Variants in GRIA4 observed in about 807,000 individuals in gnomAD.
The protein encoded by GRIA4 is glutamate receptor 4.
A neutral mutation model predicts 104.0 loss-of-function variants in GRIA4; 34 were observed. The observed-to-expected ratio is 0.33, with a 90% CI of 0.25 to 0.44. The LOEUF is 0.44. Ranked by LOEUF, GRIA4 falls within the 20% of genes least tolerant of loss-of-function variation. GRIA4 has a pLI of 1.00. For missense variants in GRIA4, 750 were observed against 1,096.5 expected (o/e 0.68, Z 4.46); for synonymous variants, 386 against 381.9 (o/e 1.01, Z -0.13).
chr11:105,611,767 C>T (rs905378310), intron 2 of GRIA4, among the ~76,000 whole-genome samples: 3 of 152,172 alleles, frequency 2.0e-5, no homozygotes, highest in Admixed American at 6.5e-5. Context: ...TCCAGCTAAG[C>T]CCAGCCTCAA....
intron 3 of GRIA4, among the ~76,000 whole-genome samples, chr11:105,666,936 G>C (rs1055756951): frequency 6.6e-6 from 1 of 151,268 alleles, no homozygotes; most frequent in Non-Finnish European, 1.5e-5. Context: ...TGCAGCACAC[G>C]GTCTGTGCAT....
intron 4 of GRIA4, among the ~76,000 whole-genome samples, chr11:105,830,758 C>T (rs963482570): frequency 7.2e-5 from 11 of 152,168 alleles, no homozygotes; most frequent in African/African-American, 2.4e-4. Flanking sequence ...GACCTATTCT[C>T]CACCCAGGCA....
intron 4 of GRIA4, among the ~76,000 whole-genome samples, chr11:105,822,226 G>T (rs1028224964): frequency 6.6e-6 from 1 of 152,026 alleles, no homozygotes; most frequent in East Asian, 1.9e-4. Context: ...TAAATGCCAG[G>T]CAAAAGACAT....
At chr11:105,634,492 A>G (rs1443024432) in intron 3 of GRIA4, among the ~76,000 whole-genome samples, 26 of 67,170 alleles carry the variant, frequency 3.9e-4, no homozygotes, top group African/African-American at 1.1e-3. Flanking sequence ...AAAGAAAGAA[A>G]GAAAGAAAGA....
intron 14 of GRIA4, among the ~76,000 whole-genome samples, chr11:105,958,935 AC>A (rs1474431271): frequency 6.6e-6 from 1 of 151,984 alleles, no homozygotes; most frequent in Non-Finnish European, 1.5e-5. Flanking sequence ...TTAAATATTG[AC>A]CCCCAATCTA....
intron 3 of GRIA4, among the ~76,000 whole-genome samples, chr11:105,745,497 C>T (rs1298338694): frequency 6.6e-6 from 1 of 152,084 alleles, no homozygotes; most frequent in Non-Finnish European, 1.5e-5. Flanking sequence ...AAAACATCTA[C>T]CATATCTACA....
intron 4 of GRIA4, among the ~76,000 whole-genome samples, chr11:105,759,447 T>G (rs1940494034): frequency 6.6e-6 from 1 of 152,202 alleles, no homozygotes; most frequent in African/African-American, 2.4e-5. Context: ...TGTCCTCAGC[T>G]ACTTTGACTC....
chr11:105,903,754 C>T, intron 7 of GRIA4, 60 bp from the exon 8 acceptor site: 5 of 1,172,032 alleles, frequency 4.3e-6, no homozygotes, highest in East Asian at 2.4e-5. Context: ...GACCCCAGAC[C>T]ATTTCTGGCA....
chr11:105,946,472 C>T (rs573375697), intron 14 of GRIA4, among the ~76,000 whole-genome samples: 4 of 152,012 alleles, frequency 2.6e-5, no homozygotes, highest in East Asian at 1.9e-4. Flanking sequence ...TGTTGTCCTA[C>T]GTACCCAGGA....
At chr11:105,628,496 T>C (rs1950947183) in intron 3 of GRIA4, among the ~76,000 whole-genome samples, 1 of 152,152 alleles carries the variant, frequency 6.6e-6, no homozygotes, top group African/African-American at 2.4e-5. Flanking sequence ...AAGTGAGTTC[T>C]CCTGAGATCT....
chr11:105,975,558 C>T (rs961506245), intron 16 of GRIA4, among the ~76,000 whole-genome samples: 3 of 152,030 alleles, frequency 2.0e-5, no homozygotes. Flanking sequence ...TGTTATTGCT[C>T]TTCCTAAAAT....
intron 4 of GRIA4, among the ~76,000 whole-genome samples, chr11:105,830,765 G>C (rs993552028): frequency 2.6e-5 from 4 of 152,106 alleles, no homozygotes; most frequent in African/African-American, 9.6e-5. Flanking sequence ...TCTCCACCCA[G>C]GCAAAGGGCC....
At chr11:105,788,465 CAAT>C (rs1282762724) in intron 4 of GRIA4, among the ~76,000 whole-genome samples, 1 of 152,118 alleles carries the variant, frequency 6.6e-6, no homozygotes, top group Non-Finnish European at 1.5e-5. Context: ...GCACTATTCA[CAAT>C]AACAAGGTCA....
At chr11:105,680,126 T>A (rs1952662557) in intron 3 of GRIA4, among the ~76,000 whole-genome samples, 1 of 152,114 alleles carries the variant, frequency 6.6e-6, no homozygotes, top group African/African-American at 2.4e-5. Context: ...GTGGTTAACA[T>A]CTAGTTTAGT....
intron 3 of GRIA4, among the ~76,000 whole-genome samples, chr11:105,671,644 C>G (rs10895855): frequency 7.2e-6 from 1 of 138,876 alleles, no homozygotes; most frequent in Non-Finnish European, 1.5e-5. Flanking sequence ...CACCACTGCA[C>G]TCCAGCCTGG....
chr11:105,618,028 A>G (rs561964898), intron 3 of GRIA4, among the ~76,000 whole-genome samples: 1 of 152,090 alleles, frequency 6.6e-6, no homozygotes, highest in African/African-American at 2.4e-5. Context: ...AAAAAGAACA[A>G]GGAAGGAGAG....
At chr11:105,718,004 T>C (rs1954160878) in intron 3 of GRIA4, among the ~76,000 whole-genome samples, 1 of 151,844 alleles carries the variant, frequency 6.6e-6, no homozygotes, top group African/African-American at 2.4e-5. Flanking sequence ...AAACACCGCA[T>C]ATTCTCACTC....
chr11:105,762,420 T>C (rs1439241790), intron 4 of GRIA4, among the ~76,000 whole-genome samples: 3 of 152,360 alleles, frequency 2.0e-5, no homozygotes, highest in Non-Finnish European at 1.5e-5. Context: ...GTTTTGCCTC[T>C]AATTAGTGAG....
chr11:105,681,400 A>G (rs545888255), intron 3 of GRIA4, among the ~76,000 whole-genome samples: 2 of 152,326 alleles, frequency 1.3e-5, no homozygotes, highest in South Asian at 4.2e-4. Flanking sequence ...CACTTAAGAA[A>G]AGTCATGAAG....
Sources: gnomAD v4.1 joint callset for allele counts (sites outside exome capture counted in the v4.1 genomes callset) on GRCh38, gnomAD v4.1.1 for gene constraint, MANE v1.5 for transcripts, NCBI Gene and HGNC (gene_info 2026-07-23, HGNC 2026-07-21) for gene names.